The following DLGAP2 variants were observed in gnomAD, a reference collection of about 807,000 sequenced individuals.
DLGAP2 encodes the protein disks large-associated protein 2.
Under a neutral mutation model 100.3 loss-of-function variants are expected in DLGAP2, and 26 were observed. The observed-to-expected ratio is 0.26, with a 90% CI of 0.19 to 0.36. The LOEUF (loss-of-function observed/expected upper bound fraction) is 0.36, where lower values mean the gene tolerates loss of function less well. DLGAP2 is among the 10% of genes least tolerant of loss of function. DLGAP2 has a pLI of 1.00. For synonymous variants in DLGAP2, 886 were observed against 630.1 expected (o/e 1.41, Z -6.08); for missense variants, 1,858 against 1,453.2 (o/e 1.28, Z -4.53).
intron 1 of DLGAP2, among the ~76,000 whole-genome samples, chr8:762,818 C>T (rs1334552761): frequency 2.6e-5 from 4 of 152,014 alleles, no homozygotes; most frequent in African/African-American, 7.2e-5. Context: ...ACTGGGATCA[C>T]AGGTACACAC....
At chr8:1,581,036 C>G (rs1803224292) in intron 6 of DLGAP2, among the ~76,000 whole-genome samples, 3 of 149,420 alleles carry the variant, frequency 2.0e-5, no homozygotes, top group African/African-American at 7.4e-5. Context: ...CACAGTCAAA[C>G]TACCAGAAGT....
intron 2 of DLGAP2, among the ~76,000 whole-genome samples, chr8:986,429 G>C (rs929063106): frequency 6.6e-6 from 1 of 152,038 alleles, no homozygotes; most frequent in Admixed American, 6.6e-5. Flanking sequence ...CTTTTCTCTA[G>C]ACATTTTAGT....
chr8:1,195,484 C>G (rs1248723092), intron 2 of DLGAP2, among the ~76,000 whole-genome samples: 1 of 152,236 alleles, frequency 6.6e-6, no homozygotes, highest in Admixed American at 6.5e-5. Flanking sequence ...TCAGAAAGCA[C>G]TACTGAGAAA....
chr8:1,253,168 G>T (rs937426255), intron 2 of DLGAP2, among the ~76,000 whole-genome samples: 3 of 152,220 alleles, frequency 2.0e-5, no homozygotes, highest in Non-Finnish European at 2.9e-5. Flanking sequence ...TCAGGAAAGC[G>T]GTACCCATCC....
At chr8:1,534,898 A>G (rs1197925851) in intron 4 of DLGAP2, among the ~76,000 whole-genome samples, 1 of 152,264 alleles carries the variant, frequency 6.6e-6, no homozygotes, top group Non-Finnish European at 1.5e-5. Flanking sequence ...ATAAGAGTTA[A>G]TGAAATCCTA....
At chr8:1,374,539 G>A (rs1802343129) in intron 3 of DLGAP2, among the ~76,000 whole-genome samples, 1 of 152,186 alleles carries the variant, frequency 6.6e-6, no homozygotes, top group African/African-American at 2.4e-5. Context: ...GGGCATTCAG[G>A]TGGATTTGTT....
At chr8:1,605,585 T>C (rs958786213) in intron 6 of DLGAP2, among the ~76,000 whole-genome samples, 40 of 152,174 alleles carry the variant, frequency 2.6e-4, no homozygotes, top group Non-Finnish European at 5.9e-5. Context: ...TCTTTTCAAT[T>C]AGCAATCAAA....
At chr8:955,365 G>A (rs1025096517) in intron 2 of DLGAP2, among the ~76,000 whole-genome samples, 3 of 152,074 alleles carry the variant, frequency 2.0e-5, no homozygotes, top group Non-Finnish European at 4.4e-5. Context: ...AGAAGCAGGT[G>A]CGTCGCTCTG....
intron 3 of DLGAP2, chr8:1,295,921 C>T (rs1486496934): frequency 6.6e-6 from 1 of 152,226 alleles, no homozygotes; most frequent in Non-Finnish European, 1.5e-5. Context: ...CACAACATGC[C>T]TGCAGGCTAC....
intron 2 of DLGAP2, among the ~76,000 whole-genome samples, chr8:1,042,551 C>T (rs1363396550): frequency 6.6e-6 from 1 of 152,168 alleles, no homozygotes; most frequent in African/African-American, 2.4e-5. Flanking sequence ...CCCAGGAAAG[C>T]ACCGCCGGTA....
At chr8:1,449,832 T>TCGGGCAGAGCTGTGAGGGTGAA (rs1563156246) in intron 3 of DLGAP2, among the ~76,000 whole-genome samples, 1 of 139,592 alleles carries the variant, frequency 7.2e-6, no homozygotes, top group Non-Finnish European at 1.5e-5. Flanking sequence ...CCTCGGTGGC[T>TCGGGCAGAGCTGTGAGGGTGAA]GTGACTGTAG....
chr8:1,297,065 A>ACAGAGCAGGTTCCCC, intron 3 of DLGAP2: 1 of 152,320 alleles, frequency 6.6e-6, no homozygotes, highest in Non-Finnish European at 1.5e-5. Flanking sequence ...GCAGGTTCCC[A>ACAGAGCAGGTTCCCC]GCACAGAGCA....
At chr8:1,663,901 T>C (rs923402398) in intron 8 of DLGAP2, among the ~76,000 whole-genome samples, 21 of 152,258 alleles carry the variant, frequency 1.4e-4, no homozygotes, top group Non-Finnish European at 2.6e-4. Context: ...TCCATGACGC[T>C]TGTAAAGAAA....
At chr8:1,065,088 T>C (rs1251867547) in intron 2 of DLGAP2, among the ~76,000 whole-genome samples, 1 of 152,096 alleles carries the variant, frequency 6.6e-6, no homozygotes, top group African/African-American at 2.4e-5. Flanking sequence ...TCTGAGAAAA[T>C]ATGTCTCCAC....
chr8:899,459 G>T (rs1798208953), intron 1 of DLGAP2, among the ~76,000 whole-genome samples: 1 of 152,222 alleles, frequency 6.6e-6, no homozygotes, highest in African/African-American at 2.4e-5. Context: ...AGAGGCATGG[G>T]TGTTACACGG....
intron 8 of DLGAP2, among the ~76,000 whole-genome samples, chr8:1,657,301 A>G (rs1339725734): frequency 6.6e-6 from 1 of 152,238 alleles, no homozygotes; most frequent in East Asian, 1.9e-4. Context: ...TGAATTTTCA[A>G]ATACATTTAA....
At chr8:1,112,482 C>G (rs1804989617) in intron 2 of DLGAP2, among the ~76,000 whole-genome samples, 3 of 152,194 alleles carry the variant, frequency 2.0e-5, no homozygotes, top group Non-Finnish European at 4.4e-5. Flanking sequence ...CCTCATGATT[C>G]ACCTGCCTCA....
intron 3 of DLGAP2, among the ~76,000 whole-genome samples, chr8:1,493,804 C>T (rs1020301224): frequency 2.0e-5 from 3 of 152,176 alleles, no homozygotes. Flanking sequence ...GGGGTAGATG[C>T]GGAAGGGGTG....
In DLGAP2 at chr8:1,184,169, G is replaced by A. The variant is rs969893864; in HGVS notation, c.74-74682G>A. 3.4e-4 allele frequency among the ~76,000 whole-genome samples: 51 copies of A among 152,224 alleles called. 1 individual carries two copies. Among genetic ancestry groups the A allele is most frequent in the African/African-American group, 1.0e-3 (42 of 41,450 alleles). The stretch of plus-strand genomic sequence containing the variant: ...GCACAGCGGTCTCTTTTATGCAACC[G>A]TCATGCCTCATTCTAAAACCATAGA... On this transcript the variant is annotated intron_variant, in intron 2 of 14. Transcript: ENST00000637795.
Sources: gnomAD v4.1 joint callset for allele counts (sites outside exome capture counted in the v4.1 genomes callset) on GRCh38, gnomAD v4.1.1 for gene constraint, MANE v1.5 for transcripts, NCBI Gene and HGNC (gene_info 2026-07-23, HGNC 2026-07-21) for gene names.